The following SBF2 variants were observed in gnomAD, a reference collection of about 807,000 sequenced individuals.
The protein encoded by SBF2 is SET binding factor 2, also known as myotubularin-related protein 13.
In SBF2, 112 loss-of-function variants were observed where a neutral mutation model predicts 225.2. The ratio of observed to expected loss-of-function variants is 0.50; its 90% CI spans 0.43 to 0.58. SBF2 has a LOEUF of 0.58. Ranked by LOEUF, SBF2 falls within the 20% of genes least tolerant of loss-of-function variation. The pLI, the probability that SBF2 is intolerant of heterozygous loss-of-function variation, is 0.00. For missense variants in SBF2, 1,996 were observed against 2,206.2 expected, an observed-to-expected ratio of 0.90 and a Z score of 1.91; for synonymous variants, 763 against 773.3, an observed-to-expected ratio of 0.99 and a Z score of 0.22.
intron 38 of SBF2, 38 bp from the exon 39 acceptor site, chr11:9,781,676 G>GA (rs749438720): frequency 2.0e-5 from 33 of 1,613,378 alleles, no homozygotes; most frequent in Non-Finnish European, 4.2e-6. Context: ...ATAAGAGACA[G>GA]AAAGAGAAAA....
chr11:9,907,659 C>G (rs1308228224), intron 16 of SBF2, among the ~76,000 whole-genome samples: 2 of 152,164 alleles, frequency 1.3e-5, no homozygotes, highest in African/African-American at 4.8e-5. Context: ...CTAGGCTTGA[C>G]AAATAATATC....
intron 36 of SBF2, 120 bp from the exon 37 acceptor site, chr11:9,785,438 T>A: frequency 1.2e-6 from 1 of 801,914 alleles, no homozygotes; most frequent in Non-Finnish European, 2.1e-6. Context: ...AACAATAATG[T>A]ACAAAGGTAT....
At chr11:10,158,389 C>T (rs1024899406) in intron 2 of SBF2, among the ~76,000 whole-genome samples, 1 of 151,936 alleles carries the variant, frequency 6.6e-6, no homozygotes, top group East Asian at 1.9e-4. Flanking sequence ...ATCAACAAAA[C>T]TAAGAGGTGG....
At chr11:10,093,256 C>T (rs941202713) in intron 2 of SBF2, among the ~76,000 whole-genome samples, 1 of 151,884 alleles carries the variant, frequency 6.6e-6, no homozygotes. Context: ...CTCAAGTGAT[C>T]CACCAGCCTC....
chr11:9,860,871 CA>C (rs1245382955), intron 17 of SBF2, among the ~76,000 whole-genome samples: 2 of 151,968 alleles, frequency 1.3e-5, no homozygotes, highest in African/African-American at 4.8e-5. Flanking sequence ...ATCAGCATGC[CA>C]AAAAAGTTAT....
chr11:10,005,716 T>C (rs1286189174), intron 6 of SBF2, among the ~76,000 whole-genome samples: 2 of 152,184 alleles, frequency 1.3e-5, no homozygotes, highest in African/African-American at 4.8e-5. Context: ...TAACATACTT[T>C]GGTGCCACGT....
intron 1 of SBF2, among the ~76,000 whole-genome samples, chr11:10,253,898 C>T (rs1053292166): frequency 1.3e-5 from 2 of 151,876 alleles, no homozygotes; most frequent in African/African-American, 2.4e-5. Context: ...TATTCAACAT[C>T]GATAATAGTA....
At chr11:9,922,361 C>A (rs1219902883) in intron 16 of SBF2, among the ~76,000 whole-genome samples, 1 of 152,152 alleles carries the variant, frequency 6.6e-6, no homozygotes, top group Admixed American at 6.5e-5. Flanking sequence ...TTTTCTTTCA[C>A]ATTTTCCTCT....
chr11:10,264,563 T>G (rs2957699), intron 1 of SBF2, among the ~76,000 whole-genome samples: 41,555 of 152,062 alleles, frequency 0.27, 6,456 homozygotes, highest in Non-Finnish European at 0.35. Flanking sequence ...CCTACTTTAT[T>G]TATTTTTTTA....
chr11:9,851,153 C>A (rs56168020), intron 21 of SBF2, among the ~76,000 whole-genome samples: 51,238 of 119,558 alleles, frequency 0.43, 12,604 homozygotes, highest in Non-Finnish European at 0.58. Flanking sequence ...AAAAAAACAA[C>A]AACAAAAAAA....
intron 17 of SBF2, among the ~76,000 whole-genome samples, chr11:9,882,795 C>CAAAAAAAAAAAAAAAAAAAAAAAA (rs56699466): frequency 2.2e-5 from 2 of 90,056 alleles, no homozygotes; most frequent in African/African-American, 3.3e-5. Context: ...GTGACAGAGT[C>CAAAAAAAAAAAAAAAAAAAAAAAA]AAAAAAAAAA....
intron 2 of SBF2, among the ~76,000 whole-genome samples, chr11:10,093,469 G>C (rs1233784379): frequency 6.6e-6 from 1 of 150,818 alleles, no homozygotes; most frequent in Non-Finnish European, 1.5e-5. Flanking sequence ...TATTACCTCT[G>C]TAATTATACA....
intron 1 of SBF2, among the ~76,000 whole-genome samples, chr11:10,211,365 C>A (rs1957940378): frequency 6.6e-6 from 1 of 152,168 alleles, no homozygotes; most frequent in South Asian, 2.1e-4. Flanking sequence ...TATATCCTGA[C>A]TTCAAACCCA....
Position 10,102,874 on chromosome 11 carries a change from A to C in SBF2, c.142-59893T>G, listed in dbSNP as rs376207943. ...CTTACCTTATGGTAAAACTAATAAA[A>C]AGTGGATGGATTTATAAAATTTTAT... is the stretch of plus-strand genomic sequence containing the variant. On this transcript the variant is annotated intron_variant, in intron 2 of 39. Transcript: ENST00000256190. 5.3e-5 allele frequency among the ~76,000 whole-genome samples: 8 copies of C among 152,356 alleles called. No individual in the cohort carries two copies. The East Asian group carries it at 9.6e-4, about 18-fold the overall frequency.
intron 1 of SBF2, among the ~76,000 whole-genome samples, chr11:10,208,216 C>A (rs887595049): frequency 2.0e-5 from 3 of 151,942 alleles, no homozygotes; most frequent in Admixed American, 6.5e-5. Flanking sequence ...CACGGTAAAC[C>A]AACAAAAAAT....
chr11:10,302,980 A>C (rs1230703806), intron 1 of SBF2: 5 of 152,272 alleles, frequency 3.3e-5, no homozygotes, highest in Admixed American at 3.3e-4. Context: ...CGCGGAACCA[A>C]GTGGAAGCTG....
chr11:10,112,144 C>T (rs529511652), intron 2 of SBF2, among the ~76,000 whole-genome samples: 1 of 152,308 alleles, frequency 6.6e-6, no homozygotes, highest in South Asian at 2.1e-4. Flanking sequence ...TTCTAAAACA[C>T]ATCTGGTCTT....
intron 21 of SBF2, among the ~76,000 whole-genome samples, chr11:9,850,785 A>G (rs990986256): frequency 6.6e-6 from 1 of 152,248 alleles, no homozygotes; most frequent in Non-Finnish European, 1.5e-5. Flanking sequence ...TATTCATTCA[A>G]TGAAACATTT....
chr11:9,983,865 A>G (rs1444281941), intron 13 of SBF2, among the ~76,000 whole-genome samples: 1 of 152,220 alleles, frequency 6.6e-6, no homozygotes, highest in Non-Finnish European at 1.5e-5. Flanking sequence ...AGTCACATCC[A>G]TAGGAAAAGA....
Sources: allele counts gnomAD v4.1 joint callset (sites outside exome capture counted in the v4.1 genomes callset), GRCh38; gene constraint gnomAD v4.1.1; transcripts MANE v1.5; gene names NCBI Gene and HGNC (gene_info 2026-07-23, HGNC 2026-07-21).